Variants in RELN observed in about 807,000 individuals in gnomAD.
The protein encoded by RELN is reelin.
RELN carries 108 observed loss-of-function variants against 427.6 expected under a neutral mutation model. The ratio of observed to expected loss-of-function variants is 0.25; its 90% CI spans 0.22 to 0.30. The LOEUF (loss-of-function observed/expected upper bound fraction) is 0.30. Ranked by LOEUF, RELN falls within the 10% of genes least tolerant of loss-of-function variation. The pLI is 1.00. For missense variants in RELN, 3,715 were observed against 4,302.8 expected (o/e 0.86, Z 3.82); for synonymous variants, 1,524 against 1,513.4 (o/e 1.01, Z -0.16).
intron 64 of RELN, among the ~76,000 whole-genome samples, chr7:103,475,215 A>AC (rs143806101): frequency 0.053 from 8,057 of 151,198 alleles, 691 homozygotes; most frequent in African/African-American, 0.19. Flanking sequence ...CTATAAGTGA[A>AC]CTTTTTTTTT....
intron 3 of RELN, among the ~76,000 whole-genome samples, chr7:103,791,575 A>G (rs1290476880): frequency 1.3e-5 from 2 of 152,194 alleles, no homozygotes; most frequent in Non-Finnish European, 2.9e-5. Context: ...CATATACAAA[A>G]ATTAACAAAA....
chr7:103,678,396 T>C lies in RELN; in HGVS notation c.1289+3720A>G, dbSNP rs1313528445. On this transcript the variant is annotated intron_variant, in intron 11 of 64. Coordinates refer to ENST00000428762, the MANE Select transcript of RELN (RefSeq NM_005045.4). ...GTATCTATTAAAGTTTCTCCCTTGCTGAAGTAACAGATGTGTCTTCTTTAG... is the reference window on the plus strand; with the variant it reads ...GTATCTATTAAAGTTTCTCCCTTGCCGAAGTAACAGATGTGTCTTCTTTAG... Among the ~76,000 whole-genome samples the C allele has an allele frequency of 9.9e-5, 15 of 152,188 alleles. 1 individual carries two copies. Among genetic ancestry groups the C allele is most frequent in the Admixed American group, 7.2e-4 (11 of 15,278 alleles).
Position 103,636,342 on chromosome 7 carries a change from A to G in RELN, c.2196T>C (p.Ala732=). 1 of 1,614,036 alleles carries G rather than the reference A, an allele frequency of 6.2e-7. No individual in the cohort carries two copies. The highest frequency in any genetic ancestry group is 8.5e-7 in the Non-Finnish European group (1 of 1,179,946). ...SYHNFYSIRG[A]EVSFGCGVLA... ...AGACACCACAACCAAAGCTGACTTC[A>G]GCACCACGGATAGAGTAAAAGTTAT... Residue 732 remains alanine (A), a synonymous_variant, in exon 18 of 65, where the codon GCT becomes GCC. Transcript: ENST00000428762.
intron 2 of RELN, among the ~76,000 whole-genome samples, chr7:103,867,826 A>AT (rs1053511719): frequency 4.0e-5 from 6 of 151,578 alleles, no homozygotes; most frequent in African/African-American, 9.7e-5. Flanking sequence ...AAAATGACCG[A>AT]TTTTTTTTCT....
intron 2 of RELN, among the ~76,000 whole-genome samples, chr7:103,872,028 A>T (rs1372209835): frequency 0.011 from 1,144 of 104,754 alleles, 14 homozygotes; most frequent in African/African-American, 0.03. Flanking sequence ...ATATATATAT[A>T]TATTTTTCTT....
At chr7:103,759,253 T>A (rs1791236500) in intron 4 of RELN, among the ~76,000 whole-genome samples, 1 of 151,948 alleles carries the variant, frequency 6.6e-6, no homozygotes, top group Non-Finnish European at 1.5e-5. Context: ...GCAGATTTGA[T>A]AAAGATAATT....
chr7:103,849,119 A>G (rs1793752479), intron 2 of RELN, among the ~76,000 whole-genome samples: 1 of 152,188 alleles, frequency 6.6e-6, no homozygotes, highest in South Asian at 2.1e-4. Flanking sequence ...TCCTTTTAAC[A>G]GTCACAGTTC....
chr7:103,540,020 A>G (rs1472997736), intron 44 of RELN, among the ~76,000 whole-genome samples, 177 bp downstream of exon 44: 2 of 152,270 alleles, frequency 1.3e-5, no homozygotes, highest in African/African-American at 4.8e-5. Context: ...CTGAAGGAAT[A>G]GAGAATGAAA....
intron 2 of RELN, among the ~76,000 whole-genome samples, chr7:103,859,497 G>C (rs965070718): frequency 2.6e-5 from 4 of 152,198 alleles, no homozygotes; most frequent in African/African-American, 9.6e-5. Context: ...GTTTCACTGT[G>C]TTAGCCAGGA....
Position 103,495,776 on chromosome 7 carries a change from C to T in RELN, c.9316G>A (p.Ala3106Thr). The T allele has an allele frequency of 6.2e-7, 1 of 1,613,994 alleles. No individual in the cohort carries two copies. Among genetic ancestry groups the T allele is most frequent in the Non-Finnish European group, 8.5e-7 (1 of 1,179,980 alleles). The change falls in exon 57 of 65, where the codon GCT becomes ACT. Residue 3106 changes from alanine to threonine, a missense_variant. Ala to Thr is a moderately conservative substitution (Grantham distance 58). Around this residue, in one of 4 missense-constraint regions of RELN, gnomAD observed 1,310 missense variants for 1,643.0 expected, o/e 0.80. Transcript: ENST00000428762. ...ATAATGAGTTCTCGGGAGGAGAGAGCATTGTGAGTCTTGTCCTTCTTTTTA... is the reference window on the plus strand; with the variant it reads ...ATAATGAGTTCTCGGGAGGAGAGAGTATTGTGAGTCTTGTCCTTCTTTTTA... ...PNKKKDKTHNALSSRELIIQP... is the reference protein window; with the variant it reads ...PNKKKDKTHNTLSSRELIIQP...
chr7:103,717,437 C>T (rs1176143131), intron 8 of RELN, among the ~76,000 whole-genome samples: 3 of 150,776 alleles, frequency 2.0e-5, no homozygotes, highest in Admixed American at 6.6e-5. Flanking sequence ...CACACCTTTA[C>T]TTACCAAATT....
At chr7:103,715,766 A>G (rs1789921766) in intron 8 of RELN, among the ~76,000 whole-genome samples, 1 of 152,194 alleles carries the variant, frequency 6.6e-6, no homozygotes, top group Admixed American at 6.5e-5. Flanking sequence ...GCCAAGCCAC[A>G]TTCCAACCAC....
At chr7:103,739,275 A>G (rs1310311546) in intron 6 of RELN, among the ~76,000 whole-genome samples, 1 of 152,240 alleles carries the variant, frequency 6.6e-6, no homozygotes, top group East Asian at 1.9e-4. Flanking sequence ...TATGTAGTTG[A>G]TGTTCAATAG....
At chr7:103,854,116 A>G (rs1056992977) in intron 2 of RELN, among the ~76,000 whole-genome samples, 5 of 152,174 alleles carry the variant, frequency 3.3e-5, no homozygotes, top group Non-Finnish European at 2.9e-5. Flanking sequence ...TGTGTCAACT[A>G]AAAATAAAAG....
chr7:103,628,699 G>A (rs1236506838), intron 20 of RELN, among the ~76,000 whole-genome samples: 4 of 152,190 alleles, frequency 2.6e-5, no homozygotes, highest in African/African-American at 9.7e-5. Context: ...GTGGTGAATA[G>A]CTTTCAGTGA....
intron 3 of RELN, among the ~76,000 whole-genome samples, chr7:103,786,795 A>T (rs1792028804): frequency 6.6e-6 from 1 of 152,148 alleles, no homozygotes; most frequent in South Asian, 2.1e-4. Flanking sequence ...CAGATCAACG[A>T]AGCAGAAAAT....
At chr7:103,833,367 A>T (rs1793321433) in intron 3 of RELN, among the ~76,000 whole-genome samples, 170 bp downstream of exon 3, 1 of 152,230 alleles carries the variant, frequency 6.6e-6, no homozygotes. Context: ...ATAAACTGCT[A>T]AATTTACTTT....
intron 4 of RELN, among the ~76,000 whole-genome samples, chr7:103,769,074 G>A (rs1791500062): frequency 6.6e-6 from 1 of 152,084 alleles, no homozygotes; most frequent in African/African-American, 2.4e-5. Flanking sequence ...AACTGACCTT[G>A]AATAAAATTT....
At chr7:103,880,395 A>G (rs754808712) in intron 2 of RELN, among the ~76,000 whole-genome samples, 42 of 152,308 alleles carry the variant, frequency 2.8e-4, no homozygotes, top group Non-Finnish European at 4.4e-4. Context: ...ATGAGTCATT[A>G]CCATTATAAA....
Sources: gnomAD v4.1 joint callset for allele counts (sites outside exome capture counted in the v4.1 genomes callset) on GRCh38, gnomAD v4.1.1 for gene constraint, gnomAD v4.1.1 regional missense constraint, MANE v1.5 for transcripts, NCBI Gene and HGNC (gene_info 2026-07-23, HGNC 2026-07-21) for gene names.